Variants in SCRN3 observed in about 807,000 individuals in gnomAD.
The protein encoded by SCRN3 is secernin 3.
A neutral mutation model predicts 43.1 loss-of-function variants in SCRN3; 39 were observed. The ratio of observed to expected loss-of-function variants is 0.91; its 90% CI spans 0.70 to 1.18. The LOEUF (loss-of-function observed/expected upper bound fraction) is 1.18. Ranked by LOEUF, SCRN3 falls within the 50% of genes most tolerant of loss-of-function variation. The pLI, the probability that SCRN3 is intolerant of heterozygous loss-of-function variation, is 0.00. For synonymous variants in SCRN3, 147 were observed against 163.1 expected (o/e 0.90, Z 0.75); for missense variants, 484 against 498.0 (o/e 0.97, Z 0.27).
intron 5 of SCRN3, 33 bp from the exon 6 acceptor site, chr2:174,422,852 T>G (rs1032107408): frequency 7.0e-7 from 1 of 1,435,200 alleles, no homozygotes; most frequent in South Asian, 1.2e-5. Context: ...TATATGCATA[T>G]GTATTTGATG....
intron 2 of SCRN3, among the ~76,000 whole-genome samples, chr2:174,399,677 C>G (rs1685436630): frequency 6.6e-6 from 1 of 152,156 alleles, no homozygotes; most frequent in Non-Finnish European, 1.5e-5. Flanking sequence ...ACTAACATAT[C>G]TCTTGGCAGA....
chr2:174,398,239 G>GTTCTTTTTAT, intron 1 of SCRN3, 36 bp from the exon 2 acceptor site: 2 of 1,321,962 alleles, frequency 1.5e-6, no homozygotes, highest in Non-Finnish European at 2.1e-6. Flanking sequence ...ACTTAAAAGT[G>GTTCTTTTTAT]TTCTTTTTAT....
intron 5 of SCRN3, among the ~76,000 whole-genome samples, chr2:174,422,634 C>G (rs944253085): frequency 1.4e-5 from 2 of 144,500 alleles, no homozygotes; most frequent in Non-Finnish European, 1.6e-5. Context: ...TTATTAATTC[C>G]TTTTTCTAGG....
intron 5 of SCRN3, among the ~76,000 whole-genome samples, chr2:174,420,792 T>C (rs971743643): frequency 6.6e-6 from 1 of 151,742 alleles, no homozygotes; most frequent in African/African-American, 2.4e-5. Context: ...GTTTAGAAAA[T>C]ATAGACAAGG....
intron 5 of SCRN3, among the ~76,000 whole-genome samples, chr2:174,406,453 C>T (rs1387424072): frequency 2.9e-5 from 4 of 138,512 alleles, no homozygotes; most frequent in African/African-American, 7.5e-5. Context: ...CCTTTATTTC[C>T]TTCTCCTGCC....
intron 3 of SCRN3, 111 bp downstream of exon 3, chr2:174,400,214 T>A (rs531206303): frequency 3.9e-6 from 3 of 772,960 alleles, no homozygotes; most frequent in Non-Finnish European, 6.0e-6. Flanking sequence ...TACTTTGCAG[T>A]TTGTGTCAAA....
chr2:174,406,713 T>A (rs1685708234), intron 5 of SCRN3, among the ~76,000 whole-genome samples: 1 of 138,756 alleles, frequency 7.2e-6, no homozygotes, highest in African/African-American at 2.5e-5. Context: ...TCTATTGAGA[T>A]AATCATGTGG....
intron 5 of SCRN3, among the ~76,000 whole-genome samples, chr2:174,412,839 C>G (rs1402892999): frequency 6.8e-6 from 1 of 146,536 alleles, no homozygotes; most frequent in African/African-American, 2.5e-5. Flanking sequence ...GAGTAGACAA[C>G]TGCTCAGTTT....
chr2:174,404,884 C>A (rs1345826539), intron 5 of SCRN3, among the ~76,000 whole-genome samples: 1 of 109,898 alleles, frequency 9.1e-6, no homozygotes, highest in Non-Finnish European at 2.0e-5. Flanking sequence ...GGTTCCAAGT[C>A]TTTGCTATTG....
chr2:174,408,650 C>T (rs1365692103), intron 5 of SCRN3, among the ~76,000 whole-genome samples: 2 of 138,478 alleles, frequency 1.4e-5, no homozygotes, highest in Non-Finnish European at 3.2e-5. Context: ...TTAGGGCAGG[C>T]CTGGTGGTGA....
intron 5 of SCRN3, among the ~76,000 whole-genome samples, chr2:174,417,599 T>C (rs1686160609): frequency 6.6e-6 from 1 of 152,192 alleles, no homozygotes; most frequent in Admixed American, 6.5e-5. Context: ...TTCATTTTGT[T>C]GGCCAGGCTG....
intron 5 of SCRN3, among the ~76,000 whole-genome samples, chr2:174,421,837 G>A (rs1686304142): frequency 6.6e-6 from 1 of 152,190 alleles, no homozygotes; most frequent in Non-Finnish European, 1.5e-5. Context: ...TAGCACAAAA[G>A]ATAGGCAGTA....
At chr2:174,414,824 C>T (rs1432485010) in intron 5 of SCRN3, among the ~76,000 whole-genome samples, 3 of 144,732 alleles carry the variant, frequency 2.1e-5, no homozygotes, top group African/African-American at 7.7e-5. Context: ...AATGCAGTGG[C>T]ACCATCTCAG....
At chr2:174,412,455 T>C (rs1043785215) in intron 5 of SCRN3, among the ~76,000 whole-genome samples, 2 of 152,092 alleles carry the variant, frequency 1.3e-5, no homozygotes, top group African/African-American at 4.8e-5. Context: ...GGGTAGCAGC[T>C]GCTGGGAGGC....
intron 5 of SCRN3, among the ~76,000 whole-genome samples, chr2:174,412,332 T>C (rs1391986982): frequency 2.0e-5 from 3 of 151,446 alleles, no homozygotes; most frequent in African/African-American, 7.3e-5. Context: ...AGACATAGCA[T>C]GGGAGAAATC....
At chr2:174,399,386 G>A (rs1272629213) in intron 2 of SCRN3, among the ~76,000 whole-genome samples, 1 of 152,150 alleles carries the variant, frequency 6.6e-6, no homozygotes, top group Non-Finnish European at 1.5e-5. Context: ...TGTGATGTGA[G>A]ATTCCTATGA....
rs1440572587 is a variant in SCRN3 at position 174,427,981 on chromosome 2, A to G, written c.*86A>G. On this transcript the variant is annotated 3_prime_UTR_variant, in exon 8 of 8. Coordinates refer to ENST00000272732, the MANE Select transcript of SCRN3 (RefSeq NM_024583.5). ...AGAATCTATCACCTTGGTAAATTATATAAACCTAACTTGAGCAGATCTGAT... is the reference window on the plus strand; with the variant it reads ...AGAATCTATCACCTTGGTAAATTATGTAAACCTAACTTGAGCAGATCTGAT... The G allele has an allele frequency of 4.4e-6, 4 of 917,328 alleles. No homozygotes were observed. The highest frequency in any genetic ancestry group is 6.7e-6 in the Non-Finnish European group (4 of 598,534). 56.8% of individuals were successfully genotyped at this position (917,328 alleles called of 1,614,324 possible). A position where few individuals can be genotyped will look rare whatever the true frequency, so the allele number is the denominator to read the frequency against.
Position 174,427,862 on chromosome 2 carries a change from TCA to T in SCRN3, c.1243_1244del (p.Gln415ValfsTer8). ...GTACAAAAGATGAAATTCAAATTTATCAGTCAAATTTATCAGTCAAAGTTAGT... is the reference window on the plus strand; with the variant it reads ...GTACAAAAGATGAAATTCAAATTTATGTCAAATTTATCAGTCAAAGTTAGT... ...QCTKDEIQIY[Q>X]SNLSVKVSS On this transcript the variant is annotated frameshift_variant, in exon 8 of 8. Transcript: ENST00000272732. LOFTEE classifies it high-confidence loss of function. 3 of 792,534 alleles carry T rather than the reference TCA, an allele frequency of 3.8e-6. No individual in the cohort carries two copies. The highest frequency in any genetic ancestry group is 5.5e-6 in the Non-Finnish European group (3 of 544,282). 49.1% of individuals were successfully genotyped at this position (792,534 alleles called of 1,614,324 possible). A position where few individuals can be genotyped will look rare whatever the true frequency, so the allele number is the denominator to read the frequency against.
At chr2:174,417,404 T>C (rs185455806) in intron 5 of SCRN3, among the ~76,000 whole-genome samples, 87 of 152,174 alleles carry the variant, frequency 5.7e-4, no homozygotes, top group African/African-American at 2.1e-3. Context: ...ATATTATTCT[T>C]TTTTTTTGAG....
Sources: gnomAD v4.1 joint callset for allele counts (sites outside exome capture counted in the v4.1 genomes callset) on GRCh38, gnomAD v4.1.1 for gene constraint, MANE v1.5 for transcripts, NCBI Gene and HGNC (gene_info 2026-07-23, HGNC 2026-07-21) for gene names.